The following DNAI7 variants were observed in gnomAD, a reference collection of about 807,000 sequenced individuals.
The protein encoded by DNAI7 is cancer susceptibility 1.
A neutral mutation model predicts 86.6 loss-of-function variants in DNAI7; 78 were observed. The observed-to-expected ratio is 0.90, with a 90% confidence interval of 0.75 to 1.09. The LOEUF (loss-of-function observed/expected upper bound fraction) is 1.09, where lower values mean the gene tolerates loss of function less well. Ranked by LOEUF, DNAI7 falls within the 50% of genes least tolerant of loss-of-function variation. DNAI7 has a pLI of 0.00. For synonymous variants in DNAI7, 274 were observed against 273.0 expected (o/e 1.00, Z -0.04); for missense variants, 753 against 810.2 (o/e 0.93, Z 0.86).
intron 2 of DNAI7, among the ~76,000 whole-genome samples, chr12:25,166,908 TA>T (rs1947545708): frequency 6.6e-6 from 1 of 152,186 alleles, no homozygotes; most frequent in South Asian, 2.1e-4. Flanking sequence ...CTGATGCATA[TA>T]CTTTCTGCTC....
chr12:25,112,029 T>C, intron 13 of DNAI7, 90 bp from the exon 14 acceptor site: 1 of 738,752 alleles, frequency 1.4e-6, no homozygotes, highest in Non-Finnish European at 2.1e-6. Context: ...GCTTTATACA[T>C]TTTTAAAAGT....
chr12:25,194,999 T>A (rs751608190), intron 1 of DNAI7, 77 bp downstream of exon 1: 5 of 1,614,168 alleles, frequency 3.1e-6, no homozygotes, highest in Non-Finnish European at 1.7e-6. Context: ...GACTGGCTCT[T>A]GATTACATTA....
intron 3 of DNAI7, among the ~76,000 whole-genome samples, chr12:25,158,970 G>A (rs1049610622): frequency 6.6e-6 from 1 of 152,224 alleles, no homozygotes; most frequent in Non-Finnish European, 1.5e-5. Context: ...TGGAGAAATA[G>A]GAACACTAAT....
At chr12:25,190,588 T>A (rs1182177656) in intron 2 of DNAI7, 26 bp downstream of exon 2, 3 of 1,164,676 alleles carry the variant, frequency 2.6e-6, no homozygotes, top group East Asian at 5.0e-5. Context: ...TATACAACTA[T>A]CTATTTTGAA....
chr12:25,123,450 T>C (rs1326933803), intron 9 of DNAI7, among the ~76,000 whole-genome samples, 164 bp from the exon 10 acceptor site: 2 of 152,204 alleles, frequency 1.3e-5, no homozygotes, highest in Non-Finnish European at 2.9e-5. Context: ...AAAAGCAATA[T>C]TTTAACAAGC....
At chr12:25,144,343 T>C in intron 9 of DNAI7, 22 bp downstream of exon 9, 1 of 1,571,632 alleles carries the variant, frequency 6.4e-7, no homozygotes, top group Non-Finnish European at 8.7e-7. Flanking sequence ...TAAAAAAATG[T>C]GTATATTTAA....
intron 9 of DNAI7, among the ~76,000 whole-genome samples, chr12:25,127,265 C>T (rs999808598): frequency 4.6e-5 from 7 of 152,126 alleles, no homozygotes; most frequent in African/African-American, 1.7e-4. Context: ...GCTGACAATA[C>T]AGGTATAATG....
Position 25,114,858 on chromosome 12 carries a change from C to T in DNAI7, c.1409G>A (p.Arg470Lys), listed in dbSNP as rs1454699301. 1 of 1,611,760 alleles carries T rather than the reference C, an allele frequency of 6.2e-7. No individual in the cohort carries two copies. The highest frequency in any genetic ancestry group is 8.5e-7 in the Non-Finnish European group (1 of 1,178,052). The change falls in exon 13 of 16, where the codon AGA becomes AAA. Residue 470 changes from arginine to lysine, a missense_variant. Physicochemically the swap from Arg to Lys is conservative, Grantham distance 26. Coordinates refer to ENST00000395987, the MANE Select transcript of DNAI7 (RefSeq NM_018272.5). ...VRWDAEGKHW[R>K]TDGISNVSYK... ...GGATACATTGCTGATGCCATCAGTT[C>T]TCCAATGTTTACCTTTATAATTGAT...
intron 2 of DNAI7, among the ~76,000 whole-genome samples, chr12:25,164,074 C>T (rs561031662): frequency 2.4e-4 from 36 of 152,292 alleles, no homozygotes; most frequent in African/African-American, 7.9e-4. Context: ...TCACCCTTAG[C>T]GGCAAGTACC....
chr12:25,133,081 T>C (rs1032320095), intron 9 of DNAI7, among the ~76,000 whole-genome samples: 2 of 152,102 alleles, frequency 1.3e-5, no homozygotes, highest in Non-Finnish European at 2.9e-5. Context: ...AAGTTTCCTA[T>C]ATTCTGTTCA....
chr12:25,111,561 C>T (rs1938822255), intron 14 of DNAI7, among the ~76,000 whole-genome samples: 1 of 152,110 alleles, frequency 6.6e-6, no homozygotes, highest in African/African-American at 2.4e-5. Flanking sequence ...GGATATGCTC[C>T]ATTTGTCAAT....
chr12:25,179,497 C>T (rs1345819124), intron 2 of DNAI7, among the ~76,000 whole-genome samples: 3 of 152,042 alleles, frequency 2.0e-5, no homozygotes, highest in Non-Finnish European at 4.4e-5. Context: ...GTGGATGTGT[C>T]TATTTCTCCT....
At chr12:25,146,872 G>T (rs373604498) in intron 8 of DNAI7, 129 bp downstream of exon 8, 10 of 590,406 alleles carry the variant, frequency 1.7e-5, no homozygotes, top group Admixed American at 3.2e-5. Context: ...ACCCTTAGTG[G>T]GCTAACTTCC....
intron 2 of DNAI7, among the ~76,000 whole-genome samples, chr12:25,161,504 C>T (rs1946833315): frequency 1.3e-5 from 2 of 152,110 alleles, no homozygotes; most frequent in Admixed American, 1.3e-4. Flanking sequence ...TAAAGAAAAC[C>T]TCATCTTGTT....
intron 2 of DNAI7, among the ~76,000 whole-genome samples, 174 bp downstream of exon 2, chr12:25,190,440 G>A (rs755724289): frequency 7.2e-5 from 11 of 152,054 alleles, no homozygotes; most frequent in Non-Finnish European, 1.3e-4. Context: ...TTTGAAATGC[G>A]TCCTACTGTT....
intron 2 of DNAI7, among the ~76,000 whole-genome samples, chr12:25,182,605 TACACACAC>T (rs71065917): frequency 6.9e-4 from 91 of 132,212 alleles, no homozygotes; most frequent in African/African-American, 2.5e-3. Context: ...TGAGACTGTC[TACACACAC>T]ACACACACAC....
intron 9 of DNAI7, among the ~76,000 whole-genome samples, chr12:25,125,488 G>A (rs1009553823): frequency 1.3e-5 from 2 of 151,992 alleles, no homozygotes; most frequent in African/African-American, 4.8e-5. Flanking sequence ...GTAAATTTAA[G>A]TTCCTTATAG....
intron 10 of DNAI7, among the ~76,000 whole-genome samples, chr12:25,122,468 AG>A (rs1206578219): frequency 0.012 from 1,667 of 138,592 alleles, 81 homozygotes; most frequent in African/African-American, 0.049. Context: ...AAAAAAAAAA[AG>A]AAGGAGAAGA....
In DNAI7 at chr12:25,125,172, T is replaced by G. The variant is rs1941945946; in HGVS notation, c.1003-1886A>C. 3.9e-5 allele frequency among the ~76,000 whole-genome samples: 6 copies of G among 152,176 alleles called. No individual in the cohort carries two copies. The South Asian group carries it at 1.2e-3, about 31-fold the overall frequency. On this transcript the variant is annotated intron_variant, in intron 9 of 15. Coordinates refer to ENST00000395987, the MANE Select transcript of DNAI7 (RefSeq NM_018272.5). The stretch of plus-strand genomic sequence containing the variant: ...GCTGGGTGAAATGGTAATTCTGCTT[T>G]TAGCTCTTTGAGGAATCACCATATT...
Sources: gnomAD v4.1 joint callset for allele counts (sites outside exome capture counted in the v4.1 genomes callset) on GRCh38, gnomAD v4.1.1 for gene constraint, MANE v1.5 for transcripts, NCBI Gene and HGNC (gene_info 2026-07-23, HGNC 2026-07-21) for gene names.